Variants in SOX5 observed in about 807,000 individuals in gnomAD.
SOX5 encodes the protein transcription factor SOX-5.
In SOX5, 9 loss-of-function variants were observed where a neutral mutation model predicts 92.0. The observed-to-expected ratio is 0.10, with a 90% CI of 0.06 to 0.17. SOX5 has a LOEUF of 0.17. SOX5 is among the 10% of genes least tolerant of loss of function. The pLI, the probability that SOX5 is intolerant of heterozygous loss-of-function variation, is 1.00. For synonymous variants in SOX5, 344 were observed against 336.3 expected (o/e 1.02, Z -0.25); for missense variants, 642 against 944.5 (o/e 0.68, Z 4.20).
At chr12:23,591,839 G>C (rs1253294909) in intron 9 of SOX5, among the ~76,000 whole-genome samples, 1 of 151,972 alleles carries the variant, frequency 6.6e-6, no homozygotes, top group African/African-American at 2.4e-5. Flanking sequence ...CTTCACAACA[G>C]TATTTTTTTT....
intron 2 of SOX5, among the ~76,000 whole-genome samples, chr12:24,335,774 A>G (rs781280086): frequency 6.6e-6 from 1 of 151,768 alleles, no homozygotes; most frequent in Non-Finnish European, 1.5e-5. Context: ...GATCTTAAAT[A>G]TCAACCTCAT....
chr12:23,775,947 T>G (rs564134260), intron 3 of SOX5, among the ~76,000 whole-genome samples: 165 of 152,254 alleles, frequency 1.1e-3, no homozygotes, highest in Non-Finnish European at 1.9e-3. Context: ...TTCCAAGGAC[T>G]GTGGGCAGGG....
At chr12:24,561,933 C>T (rs1415116477) in intron 1 of SOX5, among the ~76,000 whole-genome samples, 1 of 152,226 alleles carries the variant, frequency 6.6e-6, no homozygotes, top group Non-Finnish European at 1.5e-5. Context: ...CCCGCACTCT[C>T]CTCTCGCATC....
intron 2 of SOX5, among the ~76,000 whole-genome samples, chr12:24,310,284 T>C (rs182158958): frequency 7.9e-5 from 12 of 152,294 alleles, no homozygotes; most frequent in Non-Finnish European, 1.3e-4. Context: ...ATCGTACATT[T>C]AAAATGTCTG....
At chr12:24,049,815 C>G (rs1227174704) in intron 4 of SOX5, among the ~76,000 whole-genome samples, 1 of 151,860 alleles carries the variant, frequency 6.6e-6, no homozygotes, top group Non-Finnish European at 1.5e-5. Context: ...AAGTTGCTTT[C>G]AAATTAAACA....
chr12:24,212,685 C>G (rs886378008), intron 4 of SOX5, among the ~76,000 whole-genome samples: 1 of 152,224 alleles, frequency 6.6e-6, no homozygotes, highest in Non-Finnish European at 1.5e-5. Flanking sequence ...CAGTGTGGCT[C>G]TAGCTTACTG....
chr12:24,032,615 T>C (rs908557094), intron 4 of SOX5, among the ~76,000 whole-genome samples: 4 of 151,872 alleles, frequency 2.6e-5, no homozygotes, highest in Non-Finnish European at 4.4e-5. Context: ...TACTTGTAAA[T>C]GACATTTAAA....
At chr12:24,262,159 G>C (rs73284903) in intron 3 of SOX5, among the ~76,000 whole-genome samples, 2,897 of 152,194 alleles carry the variant, frequency 0.019, 80 homozygotes, top group African/African-American at 0.064. Flanking sequence ...GAGTCTCAGA[G>C]ACTACAAACT....
intron 6 of SOX5, among the ~76,000 whole-genome samples, chr12:23,693,954 T>C (rs1052999454): frequency 6.6e-5 from 10 of 152,182 alleles, no homozygotes; most frequent in African/African-American, 2.2e-4. Context: ...AGTAAAGATA[T>C]CCGTAAAGTT....
intron 3 of SOX5, among the ~76,000 whole-genome samples, chr12:24,246,756 T>C (rs1938842125): frequency 1.3e-5 from 2 of 152,190 alleles, no homozygotes; most frequent in African/African-American, 2.4e-5. Flanking sequence ...ATTATAATTG[T>C]AGGGAAATGG....
rs140430227 is a variant in SOX5 at position 23,751,752 on chromosome 12, TA to T, written c.568+3885del. On this transcript the variant is annotated intron_variant, in intron 4 of 14. Transcript: ENST00000451604. ...TCTAGAAGTGTTTGGTGTTTGCCTTTATAGCCCTTCTTCTAGAATACACAAA... is the reference window on the plus strand; with the variant it reads ...TCTAGAAGTGTTTGGTGTTTGCCTTTTAGCCCTTCTTCTAGAATACACAAA... 3.5e-4 allele frequency among the ~76,000 whole-genome samples: 53 copies of T among 152,040 alleles called. No homozygotes were observed. The East Asian group carries it at 0.01, about 29-fold the overall frequency.
At chr12:23,738,969 TA>T (rs1370422947) in intron 5 of SOX5, among the ~76,000 whole-genome samples, 1 of 152,102 alleles carries the variant, frequency 6.6e-6, no homozygotes, top group African/African-American at 2.4e-5. Context: ...TCATTAAAAA[TA>T]AAACGAACAT....
intron 1 of SOX5, among the ~76,000 whole-genome samples, chr12:24,478,557 T>C (rs1386542005): frequency 6.6e-6 from 1 of 152,190 alleles, no homozygotes; most frequent in Non-Finnish European, 1.5e-5. Context: ...AATTCTAAAC[T>C]GAGCTTATTA....
At chr12:24,454,458 C>A (rs1308070334) in intron 1 of SOX5, among the ~76,000 whole-genome samples, 1 of 152,198 alleles carries the variant, frequency 6.6e-6, no homozygotes, top group Non-Finnish European at 1.5e-5. Flanking sequence ...ACAGTATCCA[C>A]TCTGGTCTCT....
chr12:24,519,777 G>A (rs149751632), intron 1 of SOX5, among the ~76,000 whole-genome samples: 33 of 152,184 alleles, frequency 2.2e-4, no homozygotes, highest in African/African-American at 3.1e-4. Flanking sequence ...GAAATGATTC[G>A]TACACATCTT....
intron 6 of SOX5, among the ~76,000 whole-genome samples, chr12:23,723,367 A>G (rs1192593573): frequency 6.6e-6 from 1 of 152,058 alleles, no homozygotes; most frequent in Non-Finnish European, 1.5e-5. Context: ...AAAGAAAAAG[A>G]AAAAAAGTTA....
chr12:24,543,832 C>T (rs891244947), intron 1 of SOX5, among the ~76,000 whole-genome samples: 2 of 152,050 alleles, frequency 1.3e-5, no homozygotes, highest in Non-Finnish European at 2.9e-5. Context: ...ATCATTTGTA[C>T]GTATATTTTT....
intron 2 of SOX5, among the ~76,000 whole-genome samples, chr12:24,308,170 G>C (rs1238731054): frequency 1.3e-5 from 2 of 152,158 alleles, no homozygotes; most frequent in African/African-American, 4.8e-5. Flanking sequence ...GCTGGTAAGG[G>C]GAGAATGCCT....
intron 4 of SOX5, among the ~76,000 whole-genome samples, chr12:24,140,416 T>G (rs1450821607): frequency 6.6e-6 from 1 of 152,194 alleles, no homozygotes; most frequent in African/African-American, 2.4e-5. Context: ...GAAATTCATT[T>G]TTTGAAAAAT....
Sources: gnomAD v4.1 joint callset for allele counts (sites outside exome capture counted in the v4.1 genomes callset) on GRCh38, gnomAD v4.1.1 for gene constraint, MANE v1.5 for transcripts, NCBI Gene and HGNC (gene_info 2026-07-23, HGNC 2026-07-21) for gene names.